Variants in FAM169A observed in about 807,000 individuals in gnomAD.
FAM169A encodes soluble lamin-associated protein of 75 kDa.
In FAM169A, 24 loss-of-function variants were observed where a neutral mutation model predicts 75.7. The ratio of observed to expected loss-of-function variants is 0.32; its 90% CI spans 0.23 to 0.45. The LOEUF (loss-of-function observed/expected upper bound fraction) is 0.45. Among genes scored for constraint, FAM169A ranks in the 20% least tolerant of loss-of-function variants. FAM169A has a pLI of 1.00. For missense variants in FAM169A, 673 were observed against 784.0 expected (o/e 0.86, Z 1.69); for synonymous variants, 271 against 271.0 (o/e 1.00, Z 0.00).
Position 74,802,833 on chromosome 5 carries a change from T to A in FAM169A, c.913-1204A>T, listed in dbSNP as rs1006651900. ...TAAATCATATGACAAATATCTTGCT[T>A]CAACCAACTTGTAGTCCAACAAGAA... is the stretch of plus-strand genomic sequence containing the variant. On this transcript the variant is annotated intron_variant, in intron 8 of 12. Coordinates refer to ENST00000687041, the MANE Select transcript of FAM169A (RefSeq NM_001376049.1). 2.0e-5 allele frequency among the ~76,000 whole-genome samples: 3 copies of A among 152,048 alleles called. No individual in the cohort carries two copies. In the South Asian group the frequency reaches 6.2e-4, roughly 32 times the overall value.
chr5:74,863,046 G>T lies in FAM169A; in HGVS notation c.-4+3119C>A, dbSNP rs112307436. Among the ~76,000 whole-genome samples, 3 of 151,058 alleles carry T rather than the reference G, an allele frequency of 2.0e-5. No individual in the cohort carries two copies. In the South Asian group the frequency reaches 6.3e-4, roughly 31 times the overall value. On this transcript the variant is annotated intron_variant, in intron 1 of 12. Coordinates refer to ENST00000687041, the MANE Select transcript of FAM169A (RefSeq NM_001376049.1). ...TTTAAAAAAAAAAAAAAAAGGCAGG[G>T]GTGGGAGGAATCTAGGTACGTCACA... is the stretch of plus-strand genomic sequence containing the variant.
Position 74,841,672 on chromosome 5 carries a change from G to C in FAM169A, c.5C>G (p.Ala2Gly), listed in dbSNP as rs1045908947. ...ATTTTCCAGCATATCCACAGGGAAT[G>C]CCATCCTCTTTAACAAACAACATGG... M[A>G]FPVDMLENCS... The change falls in exon 2 of 13, where the codon GCA becomes GGA. Residue 2 changes from alanine (A) to glycine (G), a missense_variant. Ala to Gly is a moderately conservative substitution (Grantham distance 60, BLOSUM62 0). Transcript: ENST00000687041. The C allele has an allele frequency of 1.2e-6, 2 of 1,611,716 alleles. No homozygotes were observed.
Position 74,848,515 on chromosome 5 carries a change from T to A in FAM169A, c.-3-6836A>T, listed in dbSNP as rs367868058. 10 of 152,310 alleles carry A rather than the reference T, an allele frequency of 6.6e-5. No individual in the cohort carries two copies. In the East Asian group the frequency reaches 1.7e-3, roughly 26 times the overall value. 9.4% of individuals were successfully genotyped at this position (152,310 alleles called of 1,614,324 possible). A position where few individuals can be genotyped will look rare whatever the true frequency, so the allele number is the denominator to read the frequency against. On this transcript the variant is annotated intron_variant, in intron 1 of 12. Transcript: ENST00000687041. Reference sequence around the variant, plus strand: ...TTGTAAAATATAACGATTATATTATTAAATATTCTATTCACATATTACACG... The same window carrying A: ...TTGTAAAATATAACGATTATATTATAAAATATTCTATTCACATATTACACG...
At chr5:74,866,496 C>T (rs938196841), upstream of FAM169A, 3 of 669,210 alleles carry the variant, frequency 4.5e-6, no homozygotes, top group South Asian at 6.6e-5. Flanking sequence ...GGACGCCGCC[C>T]TGCCTCCCTC....
At chr5:74,851,237 T>TCCTC (rs78188417) in intron 1 of FAM169A, among the ~76,000 whole-genome samples, 12,976 of 152,232 alleles carry the variant, frequency 0.085, 679 homozygotes, top group Admixed American at 0.16. Flanking sequence ...AGGGCCTCCT[T>TCCTC]CCTCCAGTAG....
rs532489905 is a variant in FAM169A at position 74,780,201 on chromosome 5, C to T, written c.*1259G>A. ...AACAGGCCAGCTTGCAACCAGTACT[C>T]AGTACAAATCAAAGGATGATTGAAG... On this transcript the variant is annotated 3_prime_UTR_variant, in exon 13 of 13. Transcript: ENST00000687041. 2 of 152,292 alleles carry T rather than the reference C, an allele frequency of 1.3e-5. No homozygotes were observed. Among genetic ancestry groups the T allele is most frequent in the South Asian group, 4.1e-4 (2 of 4,830 alleles). The allele number at this position is 152,292 out of a possible 1,614,324, so 9.4% of individuals were successfully genotyped here. A position where few individuals can be genotyped will look rare whatever the true frequency, so the allele number is the denominator to read the frequency against.
At chr5:74,795,930 C>T (rs1746248661) in intron 11 of FAM169A, 100 bp downstream of exon 11, 3 of 1,248,820 alleles carry the variant, frequency 2.4e-6, no homozygotes, top group Non-Finnish European at 3.3e-6. Flanking sequence ...CAATTTCTAA[C>T]ACTCTAAAAT....
At chr5:74,800,402 T>C (rs1007221509) in intron 10 of FAM169A, among the ~76,000 whole-genome samples, 16 of 152,184 alleles carry the variant, frequency 1.1e-4, no homozygotes, top group African/African-American at 3.9e-4. Flanking sequence ...AAGAATTGAA[T>C]GCGGGGGGAA....
intron 5 of FAM169A, among the ~76,000 whole-genome samples, chr5:74,820,791 A>T (rs1039891272): frequency 2.6e-5 from 4 of 152,148 alleles, no homozygotes; most frequent in African/African-American, 9.7e-5. Flanking sequence ...ACCCTTCAAT[A>T]GTTTCCCATC....
At chr5:74,805,487 C>T (rs79004880) in intron 6 of FAM169A, among the ~76,000 whole-genome samples, 430 of 146,890 alleles carry the variant, frequency 2.9e-3, no homozygotes, top group Non-Finnish European at 5.5e-3. Context: ...AGTTTTAACA[C>T]GACTGAACAA....
In FAM169A at chr5:74,819,257, C is replaced by A. The variant is rs565922784; in HGVS notation, c.491-5238G>T. Among the ~76,000 whole-genome samples, 9 of 151,542 alleles carry A rather than the reference C, an allele frequency of 5.9e-5. No homozygotes were observed. The South Asian group carries it at 1.7e-3, about 28-fold the overall frequency. ...AAAAGGCAAATTATTTGAAATATTT[C>A]TATTCAAAGAAGATACACAAATGGC... is the stretch of plus-strand genomic sequence containing the variant. On this transcript the variant is annotated intron_variant, in intron 5 of 12. Coordinates refer to ENST00000687041, the MANE Select transcript of FAM169A (RefSeq NM_001376049.1).
intron 11 of FAM169A, among the ~76,000 whole-genome samples, chr5:74,789,418 G>A (rs936644629): frequency 2.6e-5 from 4 of 152,222 alleles, no homozygotes; most frequent in African/African-American, 4.8e-5. Context: ...AACCAAGAAA[G>A]AGGCACAGCA....
chr5:74,823,006 G>A (rs73116733), intron 5 of FAM169A, among the ~76,000 whole-genome samples: 14,187 of 152,028 alleles, frequency 0.093, 1,655 homozygotes, highest in African/African-American at 0.28. Flanking sequence ...TCCTAGTTCT[G>A]GTCCTTCATT....
chr5:74,858,531 C>G, intron 1 of FAM169A, among the ~76,000 whole-genome samples: 1 of 152,144 alleles, frequency 6.6e-6, no homozygotes, highest in African/African-American at 2.4e-5. Flanking sequence ...GAGCTAAACA[C>G]TGGGTACACA....
intron 1 of FAM169A, among the ~76,000 whole-genome samples, chr5:74,844,107 T>C (rs867915575): frequency 6.6e-6 from 1 of 152,200 alleles, no homozygotes; most frequent in Non-Finnish European, 1.5e-5. Context: ...TAAAAGTAAC[T>C]TAAGAGACAT....
chr5:74,834,033 A>G (rs1180590034), intron 5 of FAM169A, among the ~76,000 whole-genome samples: 1 of 152,292 alleles, frequency 6.6e-6, no homozygotes, highest in East Asian at 1.9e-4. Flanking sequence ...CTATGCATAA[A>G]CAGGCTATGC....
intron 6 of FAM169A, among the ~76,000 whole-genome samples, chr5:74,810,819 CTTTTTT>C (rs59139246): frequency 1.0e-3 from 120 of 115,190 alleles, no homozygotes; most frequent in East Asian, 5.7e-3. Context: ...GATATTTGCC[CTTTTTT>C]TTTTTTTTTT....
chr5:74,795,085 C>T (rs1746199428), intron 11 of FAM169A, among the ~76,000 whole-genome samples: 1 of 152,032 alleles, frequency 6.6e-6, no homozygotes, highest in Non-Finnish European at 1.5e-5. Context: ...TGGTGAAACC[C>T]CGTCTCTACT....
chr5:74,814,085 A>G (rs1747346770), intron 5 of FAM169A, 66 bp from the exon 6 acceptor site: 2 of 1,286,854 alleles, frequency 1.6e-6, no homozygotes, highest in African/African-American at 1.5e-5. Flanking sequence ...ATTTAGTGAC[A>G]TGAGTTAACA....
Sources: gnomAD v4.1 joint callset for allele counts (sites outside exome capture counted in the v4.1 genomes callset) on GRCh38, gnomAD v4.1.1 for gene constraint, MANE v1.5 for transcripts, NCBI Gene and HGNC (gene_info 2026-07-23, HGNC 2026-07-21) for gene names.